The following SLC35F6 variants were observed in gnomAD, a reference collection of about 807,000 sequenced individuals.
SLC35F6 encodes solute carrier family 35 member F6.
A neutral mutation model predicts 29.4 loss-of-function variants in SLC35F6; 26 were observed. The ratio of observed to expected loss-of-function variants is 0.89; its 90% CI spans 0.65 to 1.23. SLC35F6 has a LOEUF of 1.23. Among genes scored for constraint, SLC35F6 ranks in the 50% most tolerant of loss-of-function variants. SLC35F6 has a pLI of 0.00. For missense variants in SLC35F6, 428 were observed against 487.8 expected (o/e 0.88, Z 1.15); for synonymous variants, 174 against 206.6 (o/e 0.84, Z 1.35).
intron 2 of SLC35F6, 96 bp downstream of exon 2, chr2:26,774,419 GGAGGTGTCTCCTGCTCCCAGAA>G: frequency 1.5e-6 from 2 of 1,366,726 alleles, no homozygotes; most frequent in South Asian, 2.6e-5. Context: ...ACTTAGGAGT[GGAGGTGTCTCCTGCTCCCAGAA>G]GAGCCATCCA....
intron 5 of SLC35F6, 94 bp downstream of exon 5, chr2:26,776,576 G>A: frequency 1.8e-6 from 2 of 1,117,364 alleles, no homozygotes; most frequent in Non-Finnish European, 1.3e-6. Context: ...CTTGTGGGGG[G>A]TGAACTTCCT....
At chr2:26,776,509 G>A in intron 5 of SLC35F6, 27 bp downstream of exon 5, 1 of 1,605,426 alleles carries the variant, frequency 6.2e-7, no homozygotes, top group Non-Finnish European at 8.5e-7. Flanking sequence ...GGGCCTGGAA[G>A]GAGTGGGGTA....
At chr2:26,765,208 A>G (rs1389926391) in intron 1 of SLC35F6, among the ~76,000 whole-genome samples, 2 of 152,230 alleles carry the variant, frequency 1.3e-5, no homozygotes, top group African/African-American at 4.8e-5. Context: ...GTGAATGGCC[A>G]CAGGCCTGAC....
chr2:26,773,134 C>A (rs1664227658), intron 1 of SLC35F6, among the ~76,000 whole-genome samples: 1 of 152,172 alleles, frequency 6.6e-6, no homozygotes, highest in Non-Finnish European at 1.5e-5. Context: ...TTTTTCATGC[C>A]ATGGGACTCT....
At chr2:26,777,760 G>GTGTGTGTGTCCA (rs571627377) in intron 5 of SLC35F6, among the ~76,000 whole-genome samples, 30 of 152,024 alleles carry the variant, frequency 2.0e-4, no homozygotes, top group African/African-American at 6.8e-4. Flanking sequence ...GTGTGTGTGT[G>GTGTGTGTGTCCA]TGTCCATGAA....
At position 26,778,123 on chromosome 2, in the gene SLC35F6, G is replaced by A. The variant is rs200993409; in HGVS notation, c.728G>A (p.Arg243His). 5.6e-6 allele frequency: 9 copies of A among 1,614,058 alleles called. No homozygotes were observed. Among genetic ancestry groups the A allele is most frequent in the Non-Finnish European group, 7.6e-6 (9 of 1,180,036 alleles). ...GCCGGCTCCTTCAGCGGAAACCCTC[G>A]TGGGACACTGGAGGATGCATTGGAC... ...IPAGSFSGNP[R>H]GTLEDALDAF... Residue 243 changes from arginine (R) to histidine (H), a missense_variant, in exon 6 of 6, where the codon CGT becomes CAT. Arg to His is a conservative substitution (Grantham distance 29, BLOSUM62 0). Coordinates refer to ENST00000344420, the MANE Select transcript of SLC35F6 (RefSeq NM_017877.4).
In SLC35F6 at chr2:26,775,700, G is replaced by A; in HGVS notation, c.535+24G>A. On this transcript the variant is annotated intron_variant, in intron 4 of 5. Transcript: ENST00000344420. This position sits in a 1 kb window ranked among gnomAD's most constrained non-coding sequence, Gnocchi z 4.6. ...AGGTGCGGCCAGGGGCAGGGACACG[G>A]GGCTGCCCTATCCTGCCCTGTCCTC... 2 of 1,540,160 alleles carry A rather than the reference G, an allele frequency of 1.3e-6. No homozygotes were observed. The highest frequency in any genetic ancestry group is 2.4e-5 in the South Asian group (2 of 83,454).
intron 1 of SLC35F6, among the ~76,000 whole-genome samples, chr2:26,772,961 G>T (rs1664224277): frequency 6.6e-6 from 1 of 152,168 alleles, no homozygotes; most frequent in African/African-American, 2.4e-5. Flanking sequence ...GCCGGGTGCT[G>T]ACTGGGAGGT....
chr2:26,775,428 T>A lies in SLC35F6; in HGVS notation c.323-36T>A. 1 of 1,603,298 alleles carries A rather than the reference T, an allele frequency of 6.2e-7. No individual in the cohort carries two copies. Among genetic ancestry groups the A allele is most frequent in the Non-Finnish European group, 8.5e-7 (1 of 1,174,342 alleles). The stretch of plus-strand genomic sequence containing the variant: ...CCTTAGTGACAGATGGCCTTCGCCT[T>A]GGGAAGCTAACTGTAATTTGTTTCT... On this transcript the variant is annotated intron_variant, in intron 3 of 5. Transcript: ENST00000344420. The surrounding 1 kb of genome is among the most constrained non-coding windows in gnomAD (Gnocchi z 4.6).
chr2:26,775,519 A>G lies in SLC35F6; in HGVS notation c.378A>G (p.Ile126Met). 6.2e-7 allele frequency: 1 copy of G among 1,611,798 alleles called. No homozygotes were observed. Among genetic ancestry groups the G allele is most frequent in the African/African-American group, 1.3e-5 (1 of 74,834 alleles). ...AGATGCTGCGGGGTGCAGTGATCAT[A>G]TTCACTGGCCTGTTCTCGGTGGCCT... Reference protein sequence around the residue: ...SFQMLRGAVIIFTGLFSVAFL... With the variant: ...SFQMLRGAVIMFTGLFSVAFL... Residue 126 changes from isoleucine to methionine, a missense_variant, in exon 4 of 6, where the codon ATA becomes ATG. By Grantham distance (10) the Ile-to-Met change is conservative. Transcript: ENST00000344420. This position sits in a 1 kb window ranked among gnomAD's most constrained non-coding sequence, Gnocchi z 4.6.
chr2:26,764,527 C>T (rs894469408), intron 1 of SLC35F6, 101 bp downstream of exon 1: 17 of 1,417,006 alleles, frequency 1.2e-5, no homozygotes, highest in Non-Finnish European at 1.5e-5. Flanking sequence ...CCCCTGCTTT[C>T]CCACTTGCTC....
intron 1 of SLC35F6, among the ~76,000 whole-genome samples, chr2:26,772,418 A>G (rs893945843): frequency 5.9e-5 from 9 of 152,258 alleles, no homozygotes; most frequent in African/African-American, 2.2e-4. Context: ...AAAGACATCC[A>G]CTGCCTATGC....
chr2:26,773,328 G>A lies in SLC35F6; in HGVS notation c.78-923G>A, dbSNP rs908792598. 7.3e-5 allele frequency among the ~76,000 whole-genome samples: 11 copies of A among 151,708 alleles called. No homozygotes were observed. The East Asian group carries it at 2.0e-3, about 27-fold the overall frequency. ...ATCCTGGCTAACACGGTGAAACACC[G>A]TCTCTACTAAAAATACAAAAAAAAA... On this transcript the variant is annotated intron_variant, in intron 1 of 5. Transcript: ENST00000344420.
intron 5 of SLC35F6, 79 bp downstream of exon 5, chr2:26,776,561 G>A (rs961734542): frequency 1.7e-5 from 23 of 1,338,592 alleles, no homozygotes; most frequent in African/African-American, 2.9e-5. Context: ...AGGTGCCAGG[G>A]TTCACTTGTG....
At position 26,775,399 on chromosome 2, in the gene SLC35F6, G is replaced by A; in HGVS notation, c.323-65G>A. 6.4e-7 allele frequency: 1 copy of A among 1,572,210 alleles called. No individual in the cohort carries two copies. The highest frequency in any genetic ancestry group is 8.6e-7 in the Non-Finnish European group (1 of 1,157,546). ...TGAGCTTGGCATGTCTATCACCAAA[G>A]ACCCCTTAGTGACAGATGGCCTTCG... On this transcript the variant is annotated intron_variant, in intron 3 of 5. Transcript: ENST00000344420. This position sits in a 1 kb window ranked among gnomAD's most constrained non-coding sequence, Gnocchi z 4.6.
intron 1 of SLC35F6, among the ~76,000 whole-genome samples, chr2:26,768,211 G>T (rs1370740101): frequency 6.6e-6 from 1 of 152,190 alleles, no homozygotes; most frequent in African/African-American, 2.4e-5. Flanking sequence ...GGAGGACAGT[G>T]TAGTAGAGTG....
intron 2 of SLC35F6, 91 bp downstream of exon 2, chr2:26,774,414 G>C: frequency 1.4e-6 from 2 of 1,418,194 alleles, no homozygotes; most frequent in Non-Finnish European, 2.0e-6. Flanking sequence ...TCCTGACTTA[G>C]GAGTGGAGGT....
At chr2:26,774,911 G>A in intron 2 of SLC35F6, 133 bp from the exon 3 acceptor site, 2 of 1,091,758 alleles carry the variant, frequency 1.8e-6, no homozygotes, top group South Asian at 1.7e-5. Flanking sequence ...TGGCAGCTCT[G>A]CATTTGTCTA....
At chr2:26,771,541 G>A (rs986225241) in intron 1 of SLC35F6, among the ~76,000 whole-genome samples, 3 of 152,184 alleles carry the variant, frequency 2.0e-5, no homozygotes, top group African/African-American at 7.2e-5. Flanking sequence ...GTTGCCTCAT[G>A]CAGGCCTTCT....
Sources: allele counts gnomAD v4.1 joint callset (sites outside exome capture counted in the v4.1 genomes callset), GRCh38; gene constraint gnomAD v4.1.1; non-coding constraint Gnocchi (gnomAD v3.1); transcripts MANE v1.5; gene names NCBI Gene and HGNC (gene_info 2026-07-23, HGNC 2026-07-21).